Variants in ATPAF1 observed in about 807,000 individuals in gnomAD.
ATPAF1 encodes the protein homolog of yeast ATP11.
In ATPAF1, 26 loss-of-function variants were observed where a neutral mutation model predicts 43.9. The ratio of observed to expected loss-of-function variants is 0.59; its 90% CI spans 0.43 to 0.82. The LOEUF (loss-of-function observed/expected upper bound fraction) is 0.82, where lower values mean the gene tolerates loss of function less well. Among genes scored for constraint, ATPAF1 ranks in the 40% least tolerant of loss-of-function variants. The pLI, the probability that ATPAF1 is intolerant of heterozygous loss-of-function variation, is 0.00. For synonymous variants in ATPAF1, 157 were observed against 168.0 expected, an observed-to-expected ratio of 0.93 and a Z score of 0.50; for missense variants, 366 against 435.0, an observed-to-expected ratio of 0.84 and a Z score of 1.41.
intron 2 of ATPAF1, among the ~76,000 whole-genome samples, chr1:46,662,856 T>A (rs935006698): frequency 6.6e-6 from 1 of 152,198 alleles, no homozygotes; most frequent in Non-Finnish European, 1.5e-5. Flanking sequence ...TATCTATACA[T>A]GTACCATGTT....
At chr1:46,652,748 G>A (rs1157622193) in intron 5 of ATPAF1, 120 bp from the exon 6 acceptor site, 10 of 855,960 alleles carry the variant, frequency 1.2e-5, no homozygotes, top group African/African-American at 3.4e-5. Flanking sequence ...AGTCATTTAA[G>A]TTTCATCATT....
intron 4 of ATPAF1, among the ~76,000 whole-genome samples, chr1:46,657,409 C>T (rs1281231014): frequency 6.6e-6 from 1 of 152,046 alleles, no homozygotes; most frequent in South Asian, 2.1e-4. Flanking sequence ...TGAAGAAGGT[C>T]CTGTGATAAT....
chr1:46,656,210 A>G (rs368026471), intron 4 of ATPAF1, among the ~76,000 whole-genome samples: 5 of 152,188 alleles, frequency 3.3e-5, no homozygotes, highest in African/African-American at 1.2e-4. Context: ...GGAGAAGGAG[A>G]TAAGAGACAC....
At chr1:46,640,875 G>A (rs1675937500) in intron 8 of ATPAF1, among the ~76,000 whole-genome samples, 3 of 151,944 alleles carry the variant, frequency 2.0e-5, no homozygotes. Context: ...TCTTTTCACT[G>A]AGCAATCTGT....
intron 2 of ATPAF1, chr1:46,664,018 A>T (rs1160084625): frequency 1.5e-6 from 1 of 675,462 alleles, no homozygotes. Flanking sequence ...AAAAGTAATA[A>T]GAATGGACTG....
chr1:46,652,972 C>G (rs2165317), intron 5 of ATPAF1, among the ~76,000 whole-genome samples: 1 of 152,032 alleles, frequency 6.6e-6, no homozygotes, highest in Admixed American at 6.6e-5. Context: ...TCACAAAAAG[C>G]GCAGACTCTT....
At chr1:46,650,965 A>C (rs551134201) in intron 6 of ATPAF1, among the ~76,000 whole-genome samples, 1 of 152,240 alleles carries the variant, frequency 6.6e-6, no homozygotes, top group South Asian at 2.1e-4. Context: ...TACTATAATT[A>C]ACAATAATTT....
intron 6 of ATPAF1, among the ~76,000 whole-genome samples, chr1:46,650,219 T>C (rs1388993409): frequency 6.6e-6 from 1 of 151,262 alleles, no homozygotes; most frequent in Admixed American, 6.6e-5. Flanking sequence ...AAAACAGGCA[T>C]CTCAGCCCAG....
chr1:46,638,898 A>ATTG (rs1268166345), intron 8 of ATPAF1, among the ~76,000 whole-genome samples: 1 of 152,086 alleles, frequency 6.6e-6, no homozygotes, highest in African/African-American at 2.4e-5. Context: ...TCAATTTTCA[A>ATTG]ATCTACAATC....
At position 46,658,116 on chromosome 1, in the gene ATPAF1, C is replaced by T. The variant is rs760273252; in HGVS notation, c.489+11G>A. 5.0e-6 allele frequency: 8 copies of T among 1,608,478 alleles called. No homozygotes were observed. In the Admixed American group the frequency reaches 1.4e-4, roughly 27 times the overall value. ...TTTCATAGAGTAGGCCAGCCCATTT[C>T]CATTCATTACCTGTTTTATTTCTTC... On this transcript the variant is annotated intron_variant, in intron 4 of 8. Transcript: ENST00000574428.
rs1165468957 is a variant in ATPAF1 at position 46,653,848 on chromosome 1, G to A, written c.509C>T (p.Ala170Val). 1.9e-6 allele frequency: 3 copies of A among 1,610,796 alleles called. No individual in the cohort carries two copies. Among genetic ancestry groups the A allele is most frequent in the Non-Finnish European group, 2.5e-6 (3 of 1,178,636 alleles). The change falls in exon 5 of 9, where the codon GCA (alanine) becomes GTA (valine). Residue 170 changes from alanine (A) to valine (V), a missense_variant. This residue lies in a region of ATPAF1 where 180 missense variants were observed against 266.5 expected (regional missense o/e 0.68). Coordinates refer to ENST00000574428, the Ensembl canonical transcript of ATPAF1. This position sits in a 1 kb window ranked among gnomAD's most constrained non-coding sequence, Gnocchi z 4.8. ...AACTGCGTAGACTGTATCTTTTGCT[G>A]CAAAATATTGCTGCCAAATCTGTAC...
In ATPAF1 at chr1:46,645,035, A is replaced by C. The variant is rs1005941869; in HGVS notation, c.684+126T>G. On this transcript the variant is annotated intron_variant, in intron 7 of 8. Coordinates refer to ENST00000574428, the Ensembl canonical transcript of ATPAF1. The stretch of plus-strand genomic sequence containing the variant: ...TCCAACACAAAAAGTATGACAATTC[A>C]TCTGCGCCACAATAATAAATGCTGG... 1.6e-5 allele frequency: 12 copies of C among 771,340 alleles called. No individual in the cohort carries two copies. In the East Asian group the frequency reaches 3.0e-4, roughly 20 times the overall value. The allele number at this position is 771,340 out of a possible 1,614,324, so 47.8% of individuals were successfully genotyped here. A position where few individuals can be genotyped will look rare whatever the true frequency, so the allele number is the denominator to read the frequency against.
intron 1 of ATPAF1, among the ~76,000 whole-genome samples, chr1:46,667,237 G>A (rs58118610): frequency 3.3e-5 from 5 of 152,216 alleles, no homozygotes; most frequent in African/African-American, 9.7e-5. Flanking sequence ...GGCAGTGGAA[G>A]TAGAGATGAG....
intron 6 of ATPAF1, among the ~76,000 whole-genome samples, chr1:46,647,250 C>G (rs954322071): frequency 2.6e-5 from 4 of 152,108 alleles, no homozygotes; most frequent in African/African-American, 9.7e-5. Context: ...TTGGGTCTGT[C>G]TGGTTGTGGT....
At chr1:46,666,142 TTCCTGGTCAATGCATTA>T (rs2148828424) in intron 1 of ATPAF1, 1 of 188,182 alleles carries the variant, frequency 5.3e-6, no homozygotes, top group African/African-American at 2.4e-5. Flanking sequence ...CTGGTGGACT[TTCCTGGTCAATGCATTA>T]TAGGGGGCCC....
At chr1:46,637,008 A>C (rs1207394865) in intron 8 of ATPAF1, among the ~76,000 whole-genome samples, 1 of 152,200 alleles carries the variant, frequency 6.6e-6, no homozygotes, top group African/African-American at 2.4e-5. Context: ...CAACCTTGTG[A>C]GACCCTGAGC....
intron 4 of ATPAF1, among the ~76,000 whole-genome samples, chr1:46,657,268 T>C (rs1032106888): frequency 2.6e-5 from 4 of 152,160 alleles, no homozygotes; most frequent in Non-Finnish European, 5.9e-5. Context: ...AATGTATAAT[T>C]CATGGAACTA....
At position 46,645,079 on chromosome 1, in the gene ATPAF1, T is replaced by C. The variant is rs144917406; in HGVS notation, c.684+82A>G. 4.3e-4 allele frequency: 428 copies of C among 990,760 alleles called. 1 individual carries two copies. The African/African-American group carries it at 6.3e-3, about 15-fold the overall frequency. 61.4% of individuals were successfully genotyped at this position (990,760 alleles called of 1,614,324 possible). On this transcript the variant is annotated intron_variant, in intron 7 of 8. Coordinates refer to ENST00000574428, the Ensembl canonical transcript of ATPAF1. The stretch of plus-strand genomic sequence containing the variant: ...ATGCTGGGAGTAAGCAGCTATTCTG[T>C]GTCCTTGAGCCTCAGCAAGGGTTTC...
In ATPAF1 at chr1:46,668,007, C is replaced by T. The variant is rs1484990554; in HGVS notation, c.266+50G>A. On this transcript the variant is annotated intron_variant, in intron 1 of 8. Transcript: ENST00000574428. The surrounding 1 kb of genome is among the most constrained non-coding windows in gnomAD (Gnocchi z 4.4). The stretch of plus-strand genomic sequence containing the variant: ...CTGTCCTAAGGCCCAGCAGCCCGGG[C>T]CGCCCCTCCTCCCGCCTCCTGCCCG... The T allele has an allele frequency of 7.6e-7, 1 of 1,318,878 alleles. No homozygotes were observed. 81.7% of individuals were successfully genotyped at this position (1,318,878 alleles called of 1,614,324 possible).
Sources: gnomAD v4.1 joint callset for allele counts (sites outside exome capture counted in the v4.1 genomes callset) on GRCh38, gnomAD v4.1.1 for gene constraint, gnomAD v4.1.1 regional missense constraint, Gnocchi (gnomAD v3.1) non-coding constraint, MANE v1.5 for transcripts, NCBI Gene and HGNC (gene_info 2026-07-23, HGNC 2026-07-21) for gene names.